Variants in PRKN observed in about 807,000 individuals in gnomAD.
PRKN encodes the protein E3 ubiquitin-protein ligase parkin.
Under a neutral mutation model 59.5 loss-of-function variants are expected in PRKN, and 56 were observed. That is an observed-to-expected ratio of 0.94 (90% CI 0.76 to 1.18). PRKN has a LOEUF of 1.18. Among genes scored for constraint, PRKN ranks in the 50% most tolerant of loss-of-function variants. PRKN has a pLI of 0.00. For missense variants in PRKN, 657 were observed against 596.4 expected, an observed-to-expected ratio of 1.10 and a Z score of -1.06; for synonymous variants, 250 against 222.1, an observed-to-expected ratio of 1.13 and a Z score of -1.12.
intron 10 of PRKN, among the ~76,000 whole-genome samples, chr6:161,367,338 C>A (rs1785249978): frequency 6.6e-6 from 1 of 152,086 alleles, no homozygotes; most frequent in South Asian, 2.1e-4. Flanking sequence ...GGCAGGACAG[C>A]TACCCACTTT....
rs576396488 is a variant in PRKN at position 161,633,302 on chromosome 6, T to C, written c.872-63886A>G. Among the ~76,000 whole-genome samples, 3 of 152,300 alleles carry C rather than the reference T, an allele frequency of 2.0e-5. No homozygotes were observed. In the East Asian group the frequency reaches 5.8e-4, roughly 29 times the overall value. ...AGTCTACCCTCATGATTCCAGTTTG[T>C]CATACTGTGTTTTTATATTCCTTCC... On this transcript the variant is annotated intron_variant, in intron 7 of 11. Transcript: ENST00000366898.
intron 2 of PRKN, among the ~76,000 whole-genome samples, chr6:162,361,220 T>C (rs1785118422): frequency 6.6e-6 from 1 of 151,918 alleles, no homozygotes; most frequent in South Asian, 2.1e-4. Context: ...AGTGGCTCAT[T>C]AGGGGAAAAG....
At chr6:162,015,174 T>C (rs1002232599) in intron 5 of PRKN, among the ~76,000 whole-genome samples, 17 of 152,170 alleles carry the variant, frequency 1.1e-4, no homozygotes, top group Non-Finnish European at 1.6e-4. Flanking sequence ...GGAAGGTTTC[T>C]TTGACTGTGA....
At chr6:161,703,703 A>C (rs1384616557) in intron 7 of PRKN, among the ~76,000 whole-genome samples, 2 of 152,020 alleles carry the variant, frequency 1.3e-5, no homozygotes, top group Non-Finnish European at 2.9e-5. Flanking sequence ...TCTCAATCCT[A>C]GGTACTTTAT....
chr6:162,010,060 T>A (rs1782428483), intron 5 of PRKN, among the ~76,000 whole-genome samples: 1 of 151,128 alleles, frequency 6.6e-6, no homozygotes, highest in Non-Finnish European at 1.5e-5. Flanking sequence ...AACAACAATC[T>A]TTTAGAGGAA....
In PRKN at chr6:161,837,550, C is replaced by A. The variant is rs202066489; in HGVS notation, c.735-51642G>T. Reference sequence around the variant, plus strand: ...TCCAATTGATAAACTTCTTAATTTCCTGGGTGTCTGGGTTTTTTTTCCTTT... The same window carrying A: ...TCCAATTGATAAACTTCTTAATTTCATGGGTGTCTGGGTTTTTTTTCCTTT... On this transcript the variant is annotated intron_variant, in intron 6 of 11. Transcript: ENST00000366898. 2.6e-5 allele frequency among the ~76,000 whole-genome samples: 4 copies of A among 151,004 alleles called. No homozygotes were observed. In the East Asian group the frequency reaches 7.8e-4, roughly 29 times the overall value.
chr6:161,392,772 A>AAT (rs67799063), intron 9 of PRKN, among the ~76,000 whole-genome samples: 183 of 14,784 alleles, frequency 0.012, no homozygotes, highest in African/African-American at 0.076. Context: ...GGTATAGAAT[A>AAT]AAAAAAAAAA....
chr6:162,337,439 T>C (rs1321038452), intron 2 of PRKN, among the ~76,000 whole-genome samples: 4 of 152,224 alleles, frequency 2.6e-5, no homozygotes, highest in Non-Finnish European at 1.5e-5. Flanking sequence ...ATTCTTTAGA[T>C]GAATGCACTT....
At chr6:161,814,604 G>A (rs1791693477) in intron 6 of PRKN, among the ~76,000 whole-genome samples, 1 of 152,154 alleles carries the variant, frequency 6.6e-6, no homozygotes, top group Admixed American at 6.5e-5. Context: ...CCGGGTTCAA[G>A]CAATTCTCCT....
chr6:162,097,211 G>A (rs1306027550), intron 4 of PRKN, among the ~76,000 whole-genome samples: 1 of 152,152 alleles, frequency 6.6e-6, no homozygotes, highest in South Asian at 2.1e-4. Flanking sequence ...AGCACGTATA[G>A]TATGATTTTT....
rs182875088 is a variant in PRKN, at chr6:161,925,090, A to G, written c.734+48212T>C. Among the ~76,000 whole-genome samples, 4 of 152,326 alleles carry G rather than the reference A, an allele frequency of 2.6e-5. No homozygotes were observed. The East Asian group carries it at 7.7e-4, about 29-fold the overall frequency. The stretch of plus-strand genomic sequence containing the variant: ...CATATTAAAATTCTAATGAATGACT[A>G]AAGTGAAAATGCTTTACAGGCTTAT... On this transcript the variant is annotated intron_variant, in intron 6 of 11. Coordinates refer to ENST00000366898, the MANE Select transcript of PRKN (RefSeq NM_004562.3).
rs1242007959 is a variant in PRKN at position 161,497,752 on chromosome 6, G to A, written c.1083+51102C>T. Among the ~76,000 whole-genome samples the A allele has an allele frequency of 6.6e-6, 1 of 152,166 alleles. No individual in the cohort carries two copies. Among genetic ancestry groups the A allele is most frequent in the Non-Finnish European group, 1.5e-5 (1 of 68,036 alleles). ...TCAAATGCAAACAAGATGAGACCAGGATTCTGCCTGGTTCTGTTGCCAAGG... is the reference window on the plus strand; with the variant it reads ...TCAAATGCAAACAAGATGAGACCAGAATTCTGCCTGGTTCTGTTGCCAAGG... On this transcript the variant is annotated intron_variant, in intron 9 of 11. Coordinates refer to ENST00000366898, the MANE Select transcript of PRKN (RefSeq NM_004562.3). The surrounding 1 kb of genome is among the most constrained non-coding windows in gnomAD (Gnocchi z 4.6).
intron 1 of PRKN, among the ~76,000 whole-genome samples, chr6:162,637,902 T>A (rs1270205276): frequency 1.3e-5 from 2 of 152,138 alleles, no homozygotes; most frequent in Non-Finnish European, 2.9e-5. Flanking sequence ...ACAAAAATTT[T>A]TCTGCATAAA....
At chr6:161,672,169 A>G (rs934421515) in intron 7 of PRKN, among the ~76,000 whole-genome samples, 1 of 152,046 alleles carries the variant, frequency 6.6e-6, no homozygotes, top group African/African-American at 2.4e-5. Flanking sequence ...TCTAGGCAGC[A>G]CAGTCTGATT....
At chr6:161,748,776 A>G (rs778384652) in intron 7 of PRKN, among the ~76,000 whole-genome samples, 22 of 152,142 alleles carry the variant, frequency 1.4e-4, no homozygotes, top group Non-Finnish European at 2.4e-4. Flanking sequence ...TGGGGTTCCA[A>G]ACCTCTAAGA....
At chr6:161,806,667 C>A (rs1791339388) in intron 6 of PRKN, among the ~76,000 whole-genome samples, 1 of 152,180 alleles carries the variant, frequency 6.6e-6, no homozygotes, top group Non-Finnish European at 1.5e-5. Flanking sequence ...CGGAACACTC[C>A]AATGCAGGAT....
At chr6:161,888,904 C>A (rs562802438) in intron 6 of PRKN, among the ~76,000 whole-genome samples, 2 of 152,122 alleles carry the variant, frequency 1.3e-5, no homozygotes, top group Non-Finnish European at 2.9e-5. Context: ...TACTTACTGA[C>A]AAAGTCTCTC....
chr6:161,900,480 T>C (rs1777848030), intron 6 of PRKN, among the ~76,000 whole-genome samples: 3 of 142,202 alleles, frequency 2.1e-5, no homozygotes, highest in Admixed American at 7.4e-5. Flanking sequence ...CTATGTAATA[T>C]ATAATATAAA....
At chr6:162,388,007 G>A (rs1786944565) in intron 2 of PRKN, among the ~76,000 whole-genome samples, 1 of 152,216 alleles carries the variant, frequency 6.6e-6, no homozygotes, top group African/African-American at 2.4e-5. Flanking sequence ...CGTGGGGAAG[G>A]CAGAGCCAAC....
Sources: gnomAD v4.1 joint callset for allele counts (sites outside exome capture counted in the v4.1 genomes callset) on GRCh38, gnomAD v4.1.1 for gene constraint, Gnocchi (gnomAD v3.1) non-coding constraint, MANE v1.5 for transcripts, NCBI Gene and HGNC (gene_info 2026-07-23, HGNC 2026-07-21) for gene names.